GFRA1: variants seen among roughly 807,000 people sequenced by gnomAD.
GFRA1 encodes the protein GDNF family receptor alpha 1.
In GFRA1, 16 loss-of-function variants were observed where a neutral mutation model predicts 51.6. That is an observed-to-expected ratio of 0.31 (90% CI 0.21 to 0.47). The LOEUF (loss-of-function observed/expected upper bound fraction) is 0.47. GFRA1 is among the 20% of genes least tolerant of loss of function. GFRA1 has a pLI of 1.00. For missense variants in GFRA1, 530 were observed against 594.3 expected (o/e 0.89, Z 1.13); for synonymous variants, 270 against 241.3 (o/e 1.12, Z -1.10).
chr10:116,225,515 C>T (rs1359045600), intron 4 of GFRA1, among the ~76,000 whole-genome samples: 1 of 107,414 alleles, frequency 9.3e-6, no homozygotes, highest in African/African-American at 3.9e-5. Context: ...AGCCTGGCGA[C>T]AGAGCAAGAG....
intron 6 of GFRA1, among the ~76,000 whole-genome samples, chr10:116,105,139 A>G (rs1956959391): frequency 6.6e-6 from 1 of 152,226 alleles, no homozygotes; most frequent in South Asian, 2.1e-4. Context: ...AAAGAAATGG[A>G]AAGTTTTGTG....
intron 6 of GFRA1, among the ~76,000 whole-genome samples, chr10:116,098,437 G>C (rs572572260): frequency 1.3e-5 from 2 of 152,274 alleles, no homozygotes; most frequent in East Asian, 3.9e-4. Flanking sequence ...AAGATGGCTC[G>C]GGCTTACTCA....
intron 5 of GFRA1, among the ~76,000 whole-genome samples, chr10:116,165,663 TCTCA>T (rs1176511844): frequency 8.1e-5 from 8 of 99,208 alleles, no homozygotes; most frequent in African/African-American, 2.7e-4. Context: ...TTTCTCTCAC[TCTCA>T]CACACACACA....
At chr10:116,233,807 T>C (rs1441711472) in intron 4 of GFRA1, among the ~76,000 whole-genome samples, 1 of 151,904 alleles carries the variant, frequency 6.6e-6, no homozygotes, top group Non-Finnish European at 1.5e-5. Flanking sequence ...ACTTGATGTT[T>C]CCCCCCAATA....
chr10:116,070,059 T>C (rs1955307101), intron 9 of GFRA1, among the ~76,000 whole-genome samples: 1 of 152,178 alleles, frequency 6.6e-6, no homozygotes, highest in African/African-American at 2.4e-5. Flanking sequence ...AAAAGCCAGT[T>C]TCTGCTCTAC....
chr10:116,090,418 G>A (rs2133876458), intron 8 of GFRA1, among the ~76,000 whole-genome samples: 1 of 129,538 alleles, frequency 7.7e-6, no homozygotes, highest in African/African-American at 2.8e-5. Flanking sequence ...CAGGCAAAAT[G>A]GAACCAGTTT....
intron 6 of GFRA1, among the ~76,000 whole-genome samples, chr10:116,114,792 G>C (rs1957347117): frequency 1.3e-5 from 2 of 152,268 alleles, no homozygotes; most frequent in South Asian, 2.1e-4. Flanking sequence ...GGTTGGAAAA[G>C]TGAAAGAGAA....
chr10:116,120,719 G>A (rs1242926244), intron 6 of GFRA1, among the ~76,000 whole-genome samples: 1 of 152,256 alleles, frequency 6.6e-6, no homozygotes, highest in Non-Finnish European at 1.5e-5. Context: ...CCCTTAGGAT[G>A]TAGCTCCCCA....
At chr10:116,211,986 C>T (rs911960821) in intron 4 of GFRA1, among the ~76,000 whole-genome samples, 1 of 152,094 alleles carries the variant, frequency 6.6e-6, no homozygotes, top group Non-Finnish European at 1.5e-5. Flanking sequence ...GAAAAATCAG[C>T]AGCTATTATT....
chr10:116,246,409 C>G (rs1295861440), intron 4 of GFRA1, among the ~76,000 whole-genome samples: 2 of 152,084 alleles, frequency 1.3e-5, no homozygotes, highest in Non-Finnish European at 2.9e-5. Context: ...CCAGCCTGGG[C>G]AACAAGAGCA....
At chr10:116,118,202 C>T (rs573563397) in intron 6 of GFRA1, among the ~76,000 whole-genome samples, 39 of 152,274 alleles carry the variant, frequency 2.6e-4, no homozygotes, top group African/African-American at 8.4e-4. Context: ...CAGTGGGTCT[C>T]CCAAATTCCT....
chr10:116,095,409 C>T (rs1807319505), intron 7 of GFRA1, among the ~76,000 whole-genome samples: 1 of 152,150 alleles, frequency 6.6e-6, no homozygotes, highest in Non-Finnish European at 1.5e-5. Context: ...AATGAGAATG[C>T]CTTGACTACT....
intron 5 of GFRA1, among the ~76,000 whole-genome samples, chr10:116,202,354 T>C (rs920547133): frequency 7.2e-5 from 11 of 152,236 alleles, no homozygotes; most frequent in Middle Eastern, 3.4e-3. Context: ...ATAAGGAGCA[T>C]TGGGCGGCAC....
rs1166283506 is a variant in GFRA1 at position 116,165,389 on chromosome 10, A to G, written c.434-39832T>C. ...AACTGAGGCTGTCCCAAGGGAAAAA[A>G]CCCTTATTCAAGCACAGGGCCAGGA... On this transcript the variant is annotated intron_variant, in intron 5 of 10. Transcript: ENST00000355422. Among the ~76,000 whole-genome samples the G allele has an allele frequency of 2.1e-5, 3 of 145,822 alleles. No homozygotes were observed. In the East Asian group the frequency reaches 5.8e-4, roughly 28 times the overall value.
intron 9 of GFRA1, among the ~76,000 whole-genome samples, chr10:116,080,334 A>G (rs548147574): frequency 6.6e-6 from 1 of 152,282 alleles, no homozygotes; most frequent in Non-Finnish European, 1.5e-5. Context: ...TAAGTGGTGG[A>G]GTGCACAGTT....
intron 5 of GFRA1, among the ~76,000 whole-genome samples, chr10:116,188,214 A>G (rs1042007753): frequency 3.9e-5 from 6 of 152,132 alleles, no homozygotes; most frequent in African/African-American, 7.2e-5. Context: ...GACCTGTGGG[A>G]TGGGGGGTCA....
chr10:116,109,452 A>T (rs1957117744), intron 6 of GFRA1, among the ~76,000 whole-genome samples: 1 of 152,224 alleles, frequency 6.6e-6, no homozygotes, highest in Non-Finnish European at 1.5e-5. Flanking sequence ...GCTTAAAAAC[A>T]TAAAAAAAAT....
intron 6 of GFRA1, among the ~76,000 whole-genome samples, chr10:116,099,010 G>A (rs1178205032): frequency 1.3e-5 from 2 of 152,214 alleles, no homozygotes; most frequent in Non-Finnish European, 2.9e-5. Context: ...GTAAGGGTGA[G>A]CACATGAGGC....
chr10:116,197,262 G>A (rs574383442), intron 5 of GFRA1, among the ~76,000 whole-genome samples: 2 of 152,156 alleles, frequency 1.3e-5, no homozygotes, highest in East Asian at 3.9e-4. Flanking sequence ...CTCCAAAAAG[G>A]CACCAGAGAC....
Sources: gnomAD v4.1 joint callset for allele counts (sites outside exome capture counted in the v4.1 genomes callset) on GRCh38, gnomAD v4.1.1 for gene constraint, MANE v1.5 for transcripts, NCBI Gene and HGNC (gene_info 2026-07-23, HGNC 2026-07-21) for gene names.